Variants in NRG3 observed in about 807,000 individuals in gnomAD.
The protein encoded by NRG3 is pro-neuregulin-3, membrane-bound isoform.
A neutral mutation model predicts 66.9 loss-of-function variants in NRG3; 31 were observed. The ratio of observed to expected loss-of-function variants is 0.46; its 90% CI spans 0.35 to 0.63. NRG3 has a LOEUF of 0.63. NRG3 is among the 20% of genes least tolerant of loss of function. NRG3 has a pLI of 0.00. For missense variants in NRG3, 910 were observed against 878.9 expected (o/e 1.04, Z -0.45); for synonymous variants, 393 against 359.4 (o/e 1.09, Z -1.06).
intron 3 of NRG3, among the ~76,000 whole-genome samples, chr10:82,766,314 C>T (rs1490383957): frequency 6.6e-6 from 1 of 152,120 alleles, no homozygotes; most frequent in Admixed American, 6.6e-5. Flanking sequence ...GCCTTCTCGT[C>T]TTTATTGTGA....
chr10:82,086,707 G>A (rs536585436), intron 1 of NRG3, among the ~76,000 whole-genome samples: 2 of 152,212 alleles, frequency 1.3e-5, no homozygotes, highest in South Asian at 2.1e-4. Flanking sequence ...TGGATCTTGG[G>A]CAGGAAAAAA....
At chr10:81,911,453 A>G (rs1845136294) in intron 1 of NRG3, among the ~76,000 whole-genome samples, 1 of 151,730 alleles carries the variant, frequency 6.6e-6, no homozygotes, top group South Asian at 2.1e-4. Context: ...TGACTGAGAG[A>G]GATTTTTGCA....
At chr10:82,639,924 C>A (rs560828798) in intron 2 of NRG3, among the ~76,000 whole-genome samples, 112 of 152,204 alleles carry the variant, frequency 7.4e-4, no homozygotes, top group African/African-American at 2.4e-3. Flanking sequence ...CTCCTCCCAC[C>A]CTCCACCCTC....
At chr10:82,426,154 C>G (rs769712364) in intron 2 of NRG3, among the ~76,000 whole-genome samples, 24 of 152,176 alleles carry the variant, frequency 1.6e-4, no homozygotes, top group Non-Finnish European at 3.4e-4. Context: ...AAGAACAGAG[C>G]ACTCTGGGTA....
chr10:82,387,042 T>G (rs1351926937), intron 2 of NRG3, among the ~76,000 whole-genome samples: 1 of 152,218 alleles, frequency 6.6e-6, no homozygotes, highest in Non-Finnish European at 1.5e-5. Flanking sequence ...TCAAGTGATC[T>G]GCCCGCCTTG....
intron 1 of NRG3, among the ~76,000 whole-genome samples, chr10:82,103,941 C>G (rs1318686308): frequency 6.7e-6 from 1 of 150,244 alleles, no homozygotes; most frequent in African/African-American, 2.4e-5. Flanking sequence ...GCCCTCTTTC[C>G]CAGCGATCTA....
At position 82,124,736 on chromosome 10, in the gene NRG3, A is replaced by T. The variant is rs532377348; in HGVS notation, c.824-234003A>T. Among the ~76,000 whole-genome samples, 6 of 152,082 alleles carry T rather than the reference A, an allele frequency of 3.9e-5. No individual in the cohort carries two copies. The East Asian group carries it at 7.7e-4, about 20-fold the overall frequency. ...ATCCCAGAACTTAAAGTAAAAAAAA[A>T]AAAAAAAGTTTAACAAGTTTGGATG... On this transcript the variant is annotated intron_variant, in intron 1 of 8. Transcript: ENST00000372141.
chr10:82,439,316 G>A (rs557714720), intron 2 of NRG3, among the ~76,000 whole-genome samples: 1 of 151,972 alleles, frequency 6.6e-6, no homozygotes, highest in Non-Finnish European at 1.5e-5. Flanking sequence ...CATGAGCACA[G>A]GATATTCTCT....
chr10:82,646,971 T>A (rs190674098), intron 2 of NRG3, among the ~76,000 whole-genome samples: 13 of 151,924 alleles, frequency 8.6e-5, no homozygotes, highest in Admixed American at 8.5e-4. Context: ...TTTTTGCTGT[T>A]ACTTCACCTT....
chr10:82,875,453 G>A (rs960319631), intron 4 of NRG3, among the ~76,000 whole-genome samples: 6 of 152,098 alleles, frequency 3.9e-5, no homozygotes, highest in African/African-American at 1.4e-4. Context: ...GACCTCCCAG[G>A]CTCAAGTCTT....
intron 1 of NRG3, among the ~76,000 whole-genome samples, chr10:82,183,352 C>G (rs1331669881): frequency 6.6e-6 from 1 of 151,646 alleles, no homozygotes; most frequent in South Asian, 2.1e-4. Context: ...TTCCTTTTTG[C>G]TCCTCTGACT....
At chr10:82,400,158 G>C (rs998111105) in intron 2 of NRG3, among the ~76,000 whole-genome samples, 2 of 152,078 alleles carry the variant, frequency 1.3e-5, no homozygotes, top group African/African-American at 4.8e-5. Flanking sequence ...GCAGTTCAGA[G>C]AATTTAAGTG....
intron 2 of NRG3, among the ~76,000 whole-genome samples, chr10:82,659,378 C>T (rs892747839): frequency 6.6e-6 from 1 of 152,142 alleles, no homozygotes; most frequent in African/African-American, 2.4e-5. Context: ...ATATTCTAGG[C>T]TGGGCATGGT....
intron 2 of NRG3, among the ~76,000 whole-genome samples, chr10:82,407,049 C>A (rs2087572262): frequency 6.9e-6 from 1 of 144,422 alleles, no homozygotes; most frequent in Non-Finnish European, 1.5e-5. Flanking sequence ...TTGTAAGAAC[C>A]ACCCACCCCC....
intron 3 of NRG3, among the ~76,000 whole-genome samples, chr10:82,802,383 T>G (rs1007578601): frequency 1.3e-5 from 2 of 152,182 alleles, no homozygotes; most frequent in African/African-American, 4.8e-5. Context: ...GAGGCTACTC[T>G]GCATGATCTA....
chr10:82,009,648 C>T (rs1435669486), intron 1 of NRG3, among the ~76,000 whole-genome samples: 4 of 152,080 alleles, frequency 2.6e-5, no homozygotes, highest in Non-Finnish European at 5.9e-5. Flanking sequence ...AACAAAAACA[C>T]AAAAAAGGGA....
At chr10:82,658,872 T>C (rs1362200728) in intron 2 of NRG3, among the ~76,000 whole-genome samples, 1 of 152,222 alleles carries the variant, frequency 6.6e-6, no homozygotes, top group African/African-American at 2.4e-5. Context: ...TTTTCAATCA[T>C]TTTTCACATG....
At chr10:82,973,741 C>T (rs1592138351) in intron 6 of NRG3, 47 bp from the exon 7 acceptor site, 1 of 1,610,848 alleles carries the variant, frequency 6.2e-7, no homozygotes, top group Non-Finnish European at 8.5e-7. Context: ...TATAGGCCCT[C>T]CATAATGTAT....
chr10:82,056,409 G>T (rs553413227), intron 1 of NRG3, among the ~76,000 whole-genome samples: 16 of 152,260 alleles, frequency 1.1e-4, no homozygotes, highest in Middle Eastern at 3.4e-3. Context: ...GAAGCTAAAA[G>T]GATGGAGTGG....
Sources: gnomAD v4.1 joint callset for allele counts (sites outside exome capture counted in the v4.1 genomes callset) on GRCh38, gnomAD v4.1.1 for gene constraint, MANE v1.5 for transcripts, NCBI Gene and HGNC (gene_info 2026-07-23, HGNC 2026-07-21) for gene names.